The following FRMPD4 variants were observed in gnomAD, a reference collection of about 807,000 sequenced individuals.
FRMPD4 encodes FERM and PDZ domain containing 4, also known as FERM and PDZ domain-containing protein 4.
Under a neutral mutation model 94.1 loss-of-function variants are expected in FRMPD4, and 22 were observed. The observed-to-expected ratio is 0.23, with a 90% CI of 0.17 to 0.33. The LOEUF is 0.33. Ranked by LOEUF, FRMPD4 falls within the 10% of genes least tolerant of loss-of-function variation. The pLI is 1.00. For missense variants in FRMPD4, 1,111 were observed against 1,339.9 expected (o/e 0.83, Z 2.67); for synonymous variants, 631 against 548.6 (o/e 1.15, Z -2.10).
intron 2 of FRMPD4, among the ~76,000 whole-genome samples, chrX:12,544,888 AAAG>A (rs1313554795): frequency 2.7e-5 from 3 of 111,920 alleles, no homozygotes; most frequent in African/African-American, 9.7e-5. Context: ...TCTTCTACAA[AAAG>A]ACTGCAAACC....
At chrX:12,428,173 T>A (rs568504388) in intron 1 of FRMPD4, among the ~76,000 whole-genome samples, 1 of 110,504 alleles carries the variant, frequency 9.0e-6, no homozygotes, top group South Asian at 3.9e-4. Context: ...GGCCTCCCCA[T>A]TTTTCCATTT....
At chrX:11,894,541 G>A (rs1659622888) in intron 3 of FRMPD4, among the ~76,000 whole-genome samples, 1 of 112,316 alleles carries the variant, frequency 8.9e-6, no homozygotes, top group Non-Finnish European at 1.9e-5. Flanking sequence ...ATGTCTTGGG[G>A]AACTATAGAA....
intron 14 of FRMPD4, 71 bp from the exon 15 acceptor site, chrX:12,715,998 G>GCCGGGGGGCCCC: frequency 1.3e-5 from 5 of 383,852 alleles, no homozygotes; most frequent in Non-Finnish European, 9.4e-6. Context: ...ACAGAGACGA[G>GCCGGGGGGCCCC]CCTCCCACCC....
chrX:12,109,771 A>G (rs1366079634), intron 3 of FRMPD4, among the ~76,000 whole-genome samples: 2 of 112,273 alleles, frequency 1.8e-5, no homozygotes, highest in African/African-American at 6.5e-5. Context: ...ACAAACTACC[A>G]TCAGAGAATA....
rs752509320 is a variant in FRMPD4 at position 12,624,057 on chromosome X, A to G, written c.422+9176A>G. On this transcript the variant is annotated intron_variant, in intron 4 of 16. Coordinates refer to ENST00000675598, the MANE Select transcript of FRMPD4 (RefSeq NM_001368397.1). The stretch of plus-strand genomic sequence containing the variant: ...CAACAAAGCTGTCCTTCAGAAATGA[A>G]AGAGACGGAAAGATATTCCTAGACA... 2.7e-5 allele frequency among the ~76,000 whole-genome samples: 3 copies of G among 112,419 alleles called. No individual in the cohort carries two copies. The South Asian group carries it at 1.1e-3, about 41-fold the overall frequency.
At chrX:11,863,510 C>T (rs780589343) in intron 1 of FRMPD4, among the ~76,000 whole-genome samples, 3 of 110,862 alleles carry the variant, frequency 2.7e-5, no homozygotes, top group East Asian at 2.8e-4. Flanking sequence ...GTCTACAGCA[C>T]CCCCTAGGCT....
At chrX:12,503,604 C>T (rs184997105) in intron 2 of FRMPD4, among the ~76,000 whole-genome samples, 1 of 111,784 alleles carries the variant, frequency 8.9e-6, no homozygotes, top group Non-Finnish European at 1.9e-5. Context: ...GCTTATCTAT[C>T]TATAGAAAAT....
intron 3 of FRMPD4, among the ~76,000 whole-genome samples, chrX:11,888,738 A>G (rs1273690928): frequency 1.8e-5 from 2 of 112,514 alleles, no homozygotes; most frequent in Middle Eastern, 4.6e-3. Flanking sequence ...TGTTTATACT[A>G]TAGTCTATTA....
chrX:12,380,872 A>G (rs754005116), intron 1 of FRMPD4, among the ~76,000 whole-genome samples: 8 of 112,145 alleles, frequency 7.1e-5, no homozygotes, highest in African/African-American at 2.6e-4. Flanking sequence ...TAGTCTCTCC[A>G]CTGTACGGTT....
rs182559800 is a variant in FRMPD4, at chrX:11,831,364, G to T, written c.-161+8649G>T. On this transcript the variant is annotated intron_variant, in intron 1 of 18. Transcript: ENST00000640291. ...TGGGATTTCATGCCTGGATTATGGC[G>T]GTTCGTGGAAAGGTAAGAATGCAAG... 4.5e-5 allele frequency among the ~76,000 whole-genome samples: 5 copies of T among 111,431 alleles called. No homozygotes were observed. The East Asian group carries it at 1.4e-3, about 31-fold the overall frequency.
intron 4 of FRMPD4, among the ~76,000 whole-genome samples, chrX:12,640,075 G>T (rs1203104697): frequency 9.1e-6 from 1 of 110,491 alleles, no homozygotes; most frequent in Non-Finnish European, 1.9e-5. Flanking sequence ...AAGGCGGGTG[G>T]ATATCCTGAG....
chrX:12,682,503 A>G (rs755684267), intron 5 of FRMPD4, among the ~76,000 whole-genome samples: 2 of 112,907 alleles, frequency 1.8e-5, no homozygotes, highest in South Asian at 7.2e-4. Context: ...TAACAATTAT[A>G]TGATTCAAAC....
At chrX:12,593,559 A>G (rs2148396859) in intron 2 of FRMPD4, among the ~76,000 whole-genome samples, 1 of 111,750 alleles carries the variant, frequency 8.9e-6, no homozygotes, top group South Asian at 3.7e-4. Context: ...AGAAATTCCT[A>G]TCAATTGTTT....
chrX:11,920,954 G>T (rs750667553), intron 3 of FRMPD4, among the ~76,000 whole-genome samples: 1 of 112,171 alleles, frequency 8.9e-6, no homozygotes, highest in East Asian at 2.8e-4. Context: ...AAAAGTCAGG[G>T]TAATGCTCGC....
intron 4 of FRMPD4, among the ~76,000 whole-genome samples, chrX:12,653,299 T>C (rs1448127310): frequency 8.9e-6 from 1 of 112,413 alleles, no homozygotes. Context: ...TGCTTTTCAC[T>C]GAGGAAAGGA....
At chrX:12,527,769 T>C (rs1283804597) in intron 2 of FRMPD4, among the ~76,000 whole-genome samples, 1 of 112,109 alleles carries the variant, frequency 8.9e-6, no homozygotes, top group Non-Finnish European at 1.9e-5. Flanking sequence ...TACTTTCATA[T>C]GTTAAGTCCT....
chrX:12,714,749 C>G lies in FRMPD4; in HGVS notation c.1610-1320C>G, dbSNP rs143163107. Among the ~76,000 whole-genome samples, 38 of 111,797 alleles carry G rather than the reference C, an allele frequency of 3.4e-4. 1 individual carries two copies. The East Asian group carries it at 0.011, about 31-fold the overall frequency. On this transcript the variant is annotated intron_variant, in intron 14 of 16. Coordinates refer to ENST00000675598, the MANE Select transcript of FRMPD4 (RefSeq NM_001368397.1). ...AGTCTTCCTCCTGCAACAATCCACA[C>G]TCACACACACACTTCCCCCCACACG...
intron 1 of FRMPD4, among the ~76,000 whole-genome samples, chrX:12,472,688 C>T (rs370771190): frequency 1.8e-5 from 2 of 111,684 alleles, no homozygotes; most frequent in Admixed American, 9.5e-5. Context: ...GTAGCTGATT[C>T]GATCAACTGG....
At chrX:12,475,147 G>C (rs1265697639) in intron 1 of FRMPD4, among the ~76,000 whole-genome samples, 1 of 112,008 alleles carries the variant, frequency 8.9e-6, no homozygotes, top group African/African-American at 3.2e-5. Context: ...GGGATGCAAG[G>C]CTGGTTCAAC....
Sources: allele counts gnomAD v4.1 joint callset (sites outside exome capture counted in the v4.1 genomes callset), GRCh38; gene constraint gnomAD v4.1.1; transcripts MANE v1.5; gene names NCBI Gene and HGNC (gene_info 2026-07-23, HGNC 2026-07-21).